Variants in TAF3 observed in about 807,000 individuals in gnomAD.
TAF3 encodes the protein transcription initiation factor TFIID subunit 3.
In TAF3, 7 loss-of-function variants were observed where a neutral mutation model predicts 80.6. That is an observed-to-expected ratio of 0.09 (90% CI 0.05 to 0.16). The LOEUF is 0.16. Ranked by LOEUF, TAF3 falls within the 10% of genes least tolerant of loss-of-function variation. The pLI is 1.00. For missense variants in TAF3, 921 were observed against 1,140.2 expected (o/e 0.81, Z 2.77); for synonymous variants, 444 against 446.1 (o/e 1.00, Z 0.06).
intron 2 of TAF3, among the ~76,000 whole-genome samples, chr10:7,941,050 G>A (rs1293753481): frequency 6.6e-6 from 1 of 152,142 alleles, no homozygotes; most frequent in Non-Finnish European, 1.5e-5. Flanking sequence ...GTGCAGTGCT[G>A]CTGGAAGGAA....
intron 2 of TAF3, among the ~76,000 whole-genome samples, chr10:7,859,337 T>G (rs1378960622): frequency 1.3e-5 from 2 of 152,096 alleles, no homozygotes; most frequent in African/African-American, 4.8e-5. Context: ...GTGATGCCTC[T>G]TCTACATATA....
intron 3 of TAF3, among the ~76,000 whole-genome samples, chr10:7,975,763 T>A (rs941312038): frequency 6.6e-6 from 1 of 152,230 alleles, no homozygotes; most frequent in Non-Finnish European, 1.5e-5. Context: ...ATAGATTTGA[T>A]CTACATGTAC....
chr10:7,940,797 A>G (rs1837968831), intron 2 of TAF3, among the ~76,000 whole-genome samples: 1 of 152,050 alleles, frequency 6.6e-6, no homozygotes, highest in Non-Finnish European at 1.5e-5. Flanking sequence ...TCTGCAAAAA[A>G]TTAAAAACAG....
intron 1 of TAF3, among the ~76,000 whole-genome samples, chr10:7,819,251 C>A (rs749146117): frequency 1.4e-4 from 22 of 152,090 alleles, no homozygotes; most frequent in African/African-American, 1.9e-4. Flanking sequence ...TTCTCCCTTG[C>A]CCGCAAACTA....
intron 2 of TAF3, among the ~76,000 whole-genome samples, chr10:7,829,029 CAAAAAAAAA>C (rs59969868): frequency 4.5e-4 from 30 of 66,810 alleles, no homozygotes; most frequent in East Asian, 5.4e-4. Flanking sequence ...GACTCCGTCT[CAAAAAAAAA>C]AAAAAAAAAA....
chr10:8,007,591 TATATATATATATATATATAC>T, intron 4 of TAF3, among the ~76,000 whole-genome samples: 1 of 121,344 alleles, frequency 8.2e-6, no homozygotes, highest in African/African-American at 3.4e-5. Context: ...TATATATATA[TATATATATATATATATATAC>T]CTTTTTTTTT....
At chr10:7,945,273 G>A (rs1189347736) in intron 2 of TAF3, among the ~76,000 whole-genome samples, 1 of 152,106 alleles carries the variant, frequency 6.6e-6, no homozygotes, top group Non-Finnish European at 1.5e-5. Context: ...TTTTGTTTGT[G>A]TGCCATTTCA....
chr10:7,895,022 C>T (rs915692095), intron 2 of TAF3, among the ~76,000 whole-genome samples: 2 of 152,116 alleles, frequency 1.3e-5, no homozygotes, highest in Non-Finnish European at 2.9e-5. Context: ...ATTACAAGTG[C>T]CCACCACCAT....
intron 4 of TAF3, among the ~76,000 whole-genome samples, chr10:7,990,143 G>C: frequency 6.6e-6 from 1 of 152,130 alleles, no homozygotes; most frequent in East Asian, 1.9e-4. Flanking sequence ...TCTCTAATGT[G>C]TGTTATAACC....
chr10:7,965,981 G>A (rs566042964), intron 3 of TAF3, among the ~76,000 whole-genome samples: 5 of 152,022 alleles, frequency 3.3e-5, no homozygotes, highest in Admixed American at 2.6e-4. Flanking sequence ...TCTAATCACA[G>A]ACTATAAACT....
chr10:7,869,261 C>CTG (rs933023279), intron 2 of TAF3, among the ~76,000 whole-genome samples: 1 of 150,772 alleles, frequency 6.6e-6, no homozygotes, highest in Non-Finnish European at 1.5e-5. Context: ...GTGTGTGTGT[C>CTG]TGTGTGTGTG....
At chr10:7,945,379 A>T (rs1010574098) in intron 2 of TAF3, among the ~76,000 whole-genome samples, 42 of 152,160 alleles carry the variant, frequency 2.8e-4, no homozygotes, top group African/African-American at 9.4e-4. Context: ...TTAGTGGATT[A>T]AAAAAACTGT....
At chr10:7,862,895 G>T (rs575570669) in intron 2 of TAF3, among the ~76,000 whole-genome samples, 2 of 152,098 alleles carry the variant, frequency 1.3e-5, no homozygotes, top group South Asian at 4.2e-4. Context: ...GTTGAGTATT[G>T]TTCCATTACG....
intron 2 of TAF3, among the ~76,000 whole-genome samples, chr10:7,898,342 T>G (rs906249528): frequency 6.6e-6 from 1 of 151,736 alleles, no homozygotes; most frequent in African/African-American, 2.4e-5. Flanking sequence ...AGGTCAGGAG[T>G]TCGACACCAG....
chr10:7,984,018 C>G (rs1831753461), intron 4 of TAF3, among the ~76,000 whole-genome samples: 1 of 151,936 alleles, frequency 6.6e-6, no homozygotes. Context: ...GCTAACATTA[C>G]CAGTGAAATT....
At chr10:7,988,572 CAAAAAA>C (rs58825999) in intron 4 of TAF3, among the ~76,000 whole-genome samples, 3,019 of 49,022 alleles carry the variant, frequency 0.062, 61 homozygotes, top group East Asian at 0.2. Flanking sequence ...GACCCTGTCT[CAAAAAA>C]AAAAAAAAAA....
rs377444334 is a variant in TAF3 at position 7,990,851 on chromosome 10, A to G, written c.2315+13528A>G. Among the ~76,000 whole-genome samples, 14 of 152,182 alleles carry G rather than the reference A, an allele frequency of 9.2e-5. No homozygotes were observed. The East Asian group carries it at 2.7e-3, about 29-fold the overall frequency. On this transcript the variant is annotated intron_variant, in intron 4 of 6. Transcript: ENST00000344293. ...TATCCCATAGACCTCCTCACAGAAGACACCAGGCTGACTCACTGTCCTGCC... is the reference window on the plus strand; with the variant it reads ...TATCCCATAGACCTCCTCACAGAAGGCACCAGGCTGACTCACTGTCCTGCC...
Position 7,904,249 on chromosome 10 carries a change from C to T in TAF3, c.410-59671C>T, listed in dbSNP as rs1837586206. Among the ~76,000 whole-genome samples the T allele has an allele frequency of 3.3e-5, 5 of 152,158 alleles. No individual in the cohort carries two copies. In the South Asian group the frequency reaches 1.0e-3, roughly 32 times the overall value. The stretch of plus-strand genomic sequence containing the variant: ...TGTCTTGGGCAGTATGGTAGTGGCC[C>T]ACACAGTAGAGTTCCAGAGGCCCTG... On this transcript the variant is annotated intron_variant, in intron 2 of 6. Transcript: ENST00000344293.
chr10:7,869,329 C>T (rs1837244274), intron 2 of TAF3, among the ~76,000 whole-genome samples: 1 of 151,870 alleles, frequency 6.6e-6, no homozygotes, highest in African/African-American at 2.4e-5. Context: ...CACATACACA[C>T]ACATAAATAC....
Sources: allele counts gnomAD v4.1 joint callset (sites outside exome capture counted in the v4.1 genomes callset), GRCh38; gene constraint gnomAD v4.1.1; transcripts MANE v1.5; gene names NCBI Gene and HGNC (gene_info 2026-07-23, HGNC 2026-07-21).